The following CHST3 variants were observed in gnomAD, a reference collection of about 807,000 sequenced individuals.
CHST3 encodes C6ST-1.
CHST3 carries 20 observed loss-of-function variants against 35.4 expected under a neutral mutation model. The observed-to-expected ratio is 0.57, with a 90% CI of 0.40 to 0.82. The LOEUF is 0.82. CHST3 is among the 40% of genes least tolerant of loss of function. The pLI is 0.00. For missense variants in CHST3, 693 were observed against 670.1 expected (o/e 1.03, Z -0.38); for synonymous variants, 334 against 295.9 (o/e 1.13, Z -1.32).
intron 1 of CHST3, among the ~76,000 whole-genome samples, chr10:71,985,597 C>T (rs1839840631): frequency 6.6e-6 from 1 of 152,230 alleles, no homozygotes; most frequent in Non-Finnish European, 1.5e-5. Context: ...TACTGCCCCA[C>T]CTCTACTTCC....
intron 1 of CHST3, among the ~76,000 whole-genome samples, chr10:71,967,831 T>G (rs1644891703): frequency 6.6e-6 from 1 of 152,122 alleles, no homozygotes; most frequent in Non-Finnish European, 1.5e-5. Context: ...TTGTTTTTGG[T>G]GGGAGTGGTG....
chr10:71,964,417 G>C lies in CHST3; in HGVS notation c.-385G>C, dbSNP rs1221272282. On this transcript the variant is annotated 5_prime_UTR_variant, in exon 1 of 3. Coordinates refer to ENST00000373115, the MANE Select transcript of CHST3 (RefSeq NM_004273.5). ...GCCGCTAGCCGGCTCGGGCCTGAGC[G>C]GGGAGGGCGCCAGGCAGGACCTCTC... is the stretch of plus-strand genomic sequence containing the variant. The C allele has an allele frequency of 6.6e-6, 1 of 152,324 alleles. No homozygotes were observed. Among genetic ancestry groups the C allele is most frequent in the Admixed American group, 6.5e-5 (1 of 15,288 alleles). The allele number at this position is 152,324 out of a possible 1,614,324, so 9.4% of individuals were successfully genotyped here.
At chr10:72,000,605 G>A (rs1396874085) in intron 1 of CHST3, among the ~76,000 whole-genome samples, 1 of 152,144 alleles carries the variant, frequency 6.6e-6, no homozygotes, top group African/African-American at 2.4e-5. Context: ...GCCAGGGTGG[G>A]GGTGTTGGGA....
rs780445863 is a variant in CHST3, at chr10:72,007,465, C to T, written c.434C>T (p.Ser145Phe). 2 of 1,602,628 alleles carry T rather than the reference C, an allele frequency of 1.2e-6. No individual in the cohort carries two copies. The highest frequency in any genetic ancestry group is 1.7e-6 in the Non-Finnish European group (2 of 1,179,730). The change falls in exon 3 of 3, where the codon TCC becomes TTC. Residue 145 changes from serine to phenylalanine, a missense_variant. By Grantham distance (155) the Ser-to-Phe change is radical. Coordinates refer to ENST00000373115, the MANE Select transcript of CHST3 (RefSeq NM_004273.5). ...VLLMATTRTG[S>F]SFVGEFFNQQ... is the part of the protein sequence containing the mutation. ...CTCATGGCCACCACGCGCACCGGCT[C>T]CTCGTTCGTGGGCGAGTTCTTCAAC...
intron 1 of CHST3, among the ~76,000 whole-genome samples, chr10:71,997,514 G>T (rs1039246336): frequency 2.2e-4 from 34 of 152,002 alleles, no homozygotes; most frequent in African/African-American, 7.5e-4. Flanking sequence ...CTCCAGTCCT[G>T]CCCTCTTCTA....
rs773812968 is a variant in CHST3, at chr10:72,008,486, C to G, written c.*15C>G. On this transcript the variant is annotated 3_prime_UTR_variant, in exon 3 of 3. Coordinates refer to ENST00000373115, the MANE Select transcript of CHST3 (RefSeq NM_004273.5). Reference sequence around the variant, plus strand: ...GGGTCACGTAGGGGGGCCGGGGCCCCGTATGCCCCTCCTCGTGAAAGGCCT... The same window carrying G: ...GGGTCACGTAGGGGGGCCGGGGCCCGGTATGCCCCTCCTCGTGAAAGGCCT... 1 of 1,504,196 alleles carries G rather than the reference C, an allele frequency of 6.6e-7. No individual in the cohort carries two copies. The highest frequency in any genetic ancestry group is 2.3e-5 in the Admixed American group (1 of 44,224). The allele number at this position is 1,504,196 out of a possible 1,614,324, so 93.2% of individuals were successfully genotyped here. A position where few individuals can be genotyped will look rare whatever the true frequency, so the allele number is the denominator to read the frequency against.
chr10:72,004,357 A>G (rs957111680), intron 1 of CHST3, among the ~76,000 whole-genome samples: 3 of 152,058 alleles, frequency 2.0e-5, no homozygotes, highest in Non-Finnish European at 2.9e-5. Context: ...TTATGGCTTT[A>G]TGACAAAGTC....
rs121908619 is a variant in CHST3 at position 72,007,634 on chromosome 10, C to T, written c.603C>T (p.Tyr201=). Residue 201 remains tyrosine (Y), a synonymous_variant, in exon 3 of 3, where the codon TAC becomes TAT. Transcript: ENST00000373115. ...AGCAGCTCTTCCTGTGCGACCTGTA[C>T]GTGCTGGAGCACTTCATCACGCCGC... ...VLKQLFLCDL[Y]VLEHFITPLP... 6.2e-7 allele frequency: 1 copy of T among 1,609,958 alleles called. No homozygotes were observed. The highest frequency in any genetic ancestry group is 1.3e-5 in the African/African-American group (1 of 75,050).
chr10:72,002,614 T>G (rs952422917), intron 1 of CHST3, among the ~76,000 whole-genome samples: 3 of 152,230 alleles, frequency 2.0e-5, no homozygotes, highest in African/African-American at 7.2e-5. Context: ...CCAGGACTTC[T>G]AACCCTAGCT....
At chr10:71,988,979 A>G (rs1164406882) in intron 1 of CHST3, among the ~76,000 whole-genome samples, 2 of 152,104 alleles carry the variant, frequency 1.3e-5, no homozygotes. Flanking sequence ...CCTGACCAAA[A>G]TGGTGAAACC....
At chr10:71,987,986 G>A (rs941276118) in intron 1 of CHST3, among the ~76,000 whole-genome samples, 9 of 152,204 alleles carry the variant, frequency 5.9e-5, no homozygotes, top group African/African-American at 1.7e-4. Context: ...TGGCCATTGT[G>A]TAGCCATTGA....
At chr10:71,987,052 G>C (rs1175911544) in intron 1 of CHST3, among the ~76,000 whole-genome samples, 3 of 152,166 alleles carry the variant, frequency 2.0e-5, no homozygotes, top group Non-Finnish European at 4.4e-5. Context: ...TCTGTCCAAC[G>C]CTCAGAGCAG....
intron 1 of CHST3, among the ~76,000 whole-genome samples, chr10:71,996,919 T>G (rs544716573): frequency 6.6e-6 from 1 of 151,932 alleles, no homozygotes; most frequent in South Asian, 2.1e-4. Context: ...TTGTTTTTTG[T>G]TTTGTTTTGT....
At chr10:71,964,841 G>C (rs1170951427) in intron 1 of CHST3, 147 bp downstream of exon 1, 1 of 152,386 alleles carries the variant, frequency 6.6e-6, no homozygotes, top group Non-Finnish European at 1.5e-5. Flanking sequence ...GGAGTTCCCA[G>C]CTCGGGGAAA....
chr10:71,988,117 TAAAACTGAC>T (rs966802707), intron 1 of CHST3, among the ~76,000 whole-genome samples: 99 of 152,114 alleles, frequency 6.5e-4, no homozygotes, highest in African/African-American at 2.0e-3. Flanking sequence ...TGATGATTGA[TAAAACTGAC>T]AAAAGCTCCA....
At chr10:71,986,622 G>A (rs892378376) in intron 1 of CHST3, among the ~76,000 whole-genome samples, 8 of 152,210 alleles carry the variant, frequency 5.3e-5, no homozygotes, top group African/African-American at 1.4e-4. Context: ...GCCCAGGCCC[G>A]AGGCCTGACA....
At chr10:71,994,093 C>T (rs566829052) in intron 1 of CHST3, among the ~76,000 whole-genome samples, 1 of 151,372 alleles carries the variant, frequency 6.6e-6, no homozygotes, top group South Asian at 2.1e-4. Flanking sequence ...AAGCGAGACT[C>T]CATTCAAAAA....
At chr10:71,992,526 T>C (rs899831099) in intron 1 of CHST3, among the ~76,000 whole-genome samples, 1 of 152,154 alleles carries the variant, frequency 6.6e-6, no homozygotes, top group Non-Finnish European at 1.5e-5. Flanking sequence ...CTGCATCAAT[T>C]GACTCTTCTT....
Position 72,012,345 on chromosome 10 carries a change from A to G in CHST3, c.*3874A>G, listed in dbSNP as rs981816953. 2.0e-5 allele frequency: 3 copies of G among 152,234 alleles called. No homozygotes were observed. Among genetic ancestry groups the G allele is most frequent in the Admixed American group, 6.5e-5 (1 of 15,290 alleles). 9.4% of individuals were successfully genotyped at this position (152,234 alleles called of 1,614,324 possible). ...CCAGCCCCGGGTCATCCTCTCCTATACTAGGGCCTATTGACCGTAGAGGCC... is the reference window on the plus strand; with the variant it reads ...CCAGCCCCGGGTCATCCTCTCCTATGCTAGGGCCTATTGACCGTAGAGGCC... On this transcript the variant is annotated 3_prime_UTR_variant, in exon 3 of 3. Coordinates refer to ENST00000373115, the MANE Select transcript of CHST3 (RefSeq NM_004273.5).
Sources: gnomAD v4.1 joint callset for allele counts (sites outside exome capture counted in the v4.1 genomes callset) on GRCh38, gnomAD v4.1.1 for gene constraint, MANE v1.5 for transcripts, NCBI Gene and HGNC (gene_info 2026-07-23, HGNC 2026-07-21) for gene names.